Variants in SYNPR observed in about 807,000 individuals in gnomAD.
SYNPR encodes the protein synaptoporin.
SYNPR carries 23 observed loss-of-function variants against 32.9 expected under a neutral mutation model. The observed-to-expected ratio is 0.70, with a 90% CI of 0.50 to 0.99. The LOEUF (loss-of-function observed/expected upper bound fraction) is 0.99, where lower values mean the gene tolerates loss of function less well. Ranked by LOEUF, SYNPR falls within the 50% of genes least tolerant of loss-of-function variation. The pLI is 0.00. For missense variants in SYNPR, 318 were observed against 349.3 expected, an observed-to-expected ratio of 0.91 and a Z score of 0.71; for synonymous variants, 146 against 135.9, an observed-to-expected ratio of 1.07 and a Z score of -0.52.
At chr3:63,425,119 A>G (rs1346179820) in intron 2 of SYNPR, among the ~76,000 whole-genome samples, 1 of 152,170 alleles carries the variant, frequency 6.6e-6, no homozygotes, top group African/African-American at 2.4e-5. Context: ...TCCTGTTTTC[A>G]CAGAACAGTG....
rs116126796 is a variant in SYNPR, at chr3:63,373,141, A to C, written c.84+94399A>C. 5.5e-3 allele frequency among the ~76,000 whole-genome samples: 832 copies of C among 152,296 alleles called. 12 individuals carry two copies. Among genetic ancestry groups the C allele is most frequent in the African/African-American group, 0.019 (809 of 41,564 alleles). On this transcript the variant is annotated intron_variant, in intron 2 of 5. Coordinates refer to ENST00000478300, the MANE Select transcript of SYNPR (RefSeq NM_001130003.2). ...ACCATAGATGAGAAAGAATCAGTGC[A>C]ATAACTCTGGCAGCTCAAAAAGCCA...
intron 2 of SYNPR, among the ~76,000 whole-genome samples, chr3:63,358,177 C>G (rs1428128005): frequency 6.6e-6 from 1 of 152,174 alleles, no homozygotes; most frequent in Non-Finnish European, 1.5e-5. Context: ...CCTGTGTGTG[C>G]TGTAACAAAT....
At chr3:63,465,358 G>C (rs978362080) in intron 2 of SYNPR, among the ~76,000 whole-genome samples, 2 of 151,948 alleles carry the variant, frequency 1.3e-5, no homozygotes, top group African/African-American at 4.8e-5. Flanking sequence ...TAATAGAAGA[G>C]AGTGAAATTT....
chr3:63,320,788 G>A (rs1432390264), intron 2 of SYNPR, among the ~76,000 whole-genome samples: 2 of 152,028 alleles, frequency 1.3e-5, no homozygotes, highest in Non-Finnish European at 2.9e-5. Flanking sequence ...ACTTTGAGGG[G>A]CAGATACAAA....
intron 1 of SYNPR, among the ~76,000 whole-genome samples, chr3:63,246,065 A>G (rs149288177): frequency 8.5e-5 from 13 of 152,176 alleles, no homozygotes; most frequent in East Asian, 1.9e-4. Context: ...AGTGCCTCCA[A>G]TGACTTTTAA....
intron 2 of SYNPR, among the ~76,000 whole-genome samples, chr3:63,255,971 G>C (rs2086378894): frequency 6.6e-6 from 1 of 152,198 alleles, no homozygotes; most frequent in South Asian, 2.1e-4. Context: ...CTCACTCATT[G>C]CTAGCACAGC....
At position 63,439,502 on chromosome 3, in the gene SYNPR, GGCTA is replaced by G. The variant is rs1359439782; in HGVS notation, c.85-41326_85-41323del. ...ATTGGAAGGTTAGGACAGTCTAAGTGGCTAGCTGACAAGATTATTTCTCTAATGA... is the reference window on the plus strand; with the variant it reads ...ATTGGAAGGTTAGGACAGTCTAAGTGGCTGACAAGATTATTTCTCTAATGA... On this transcript the variant is annotated intron_variant, in intron 2 of 5. Coordinates refer to ENST00000478300, the MANE Select transcript of SYNPR (RefSeq NM_001130003.2). 3.9e-5 allele frequency among the ~76,000 whole-genome samples: 6 copies of G among 152,280 alleles called. No homozygotes were observed. In the East Asian group the frequency reaches 1.2e-3, roughly 29 times the overall value.
At chr3:63,433,045 G>A (rs1253368786) in intron 2 of SYNPR, among the ~76,000 whole-genome samples, 1 of 152,206 alleles carries the variant, frequency 6.6e-6, no homozygotes, top group Non-Finnish European at 1.5e-5. Flanking sequence ...AGCCAAATCT[G>A]AGAACCACAT....
intron 2 of SYNPR, among the ~76,000 whole-genome samples, chr3:63,292,635 C>T (rs9311870): frequency 0.46 from 69,286 of 152,066 alleles, 15,947 homozygotes; most frequent in Middle Eastern, 0.52. Context: ...AAATAACATT[C>T]GCAAAGATTA....
At chr3:63,376,289 T>C (rs1279848512) in intron 2 of SYNPR, among the ~76,000 whole-genome samples, 3 of 152,252 alleles carry the variant, frequency 2.0e-5, no homozygotes, top group African/African-American at 7.2e-5. Flanking sequence ...AAGAATGATC[T>C]TGTTATAACT....
chr3:63,277,799 A>C (rs1327466842), upstream of SYNPR, among the ~76,000 whole-genome samples: 1 of 151,356 alleles, frequency 6.6e-6, no homozygotes. Context: ...ATTGCAAGTT[A>C]TTTTTCCCCT....
intron 2 of SYNPR, among the ~76,000 whole-genome samples, chr3:63,318,958 A>T (rs1001883432): frequency 6.6e-6 from 1 of 151,932 alleles, no homozygotes; most frequent in Non-Finnish European, 1.5e-5. Context: ...TGTTCCCTTG[A>T]CGTAGTACTC....
intron 2 of SYNPR, among the ~76,000 whole-genome samples, chr3:63,255,522 G>C (rs2086374619): frequency 6.6e-6 from 1 of 152,194 alleles, no homozygotes; most frequent in Admixed American, 6.5e-5. Flanking sequence ...TCACTTTTTA[G>C]ATGGGCAAAA....
At chr3:63,513,851 G>A (rs115112682) in intron 3 of SYNPR, among the ~76,000 whole-genome samples, 165 of 152,164 alleles carry the variant, frequency 1.1e-3, no homozygotes, top group African/African-American at 3.9e-3. Flanking sequence ...AAAAGAAAAA[G>A]TAGACTATTA....
In SYNPR at chr3:63,615,525, C is replaced by A; in HGVS notation, c.*44C>A. On this transcript the variant is annotated 3_prime_UTR_variant, in exon 6 of 6. Transcript: ENST00000478300. ...CTTCTGCAGTCGCCTCACCATCTTC[C>A]ATTTCAGTGGCAGAAGAATTTTTTA... is the stretch of plus-strand genomic sequence containing the variant. The A allele has an allele frequency of 1.9e-6, 3 of 1,577,476 alleles. No homozygotes were observed. The highest frequency in any genetic ancestry group is 8.6e-7 in the Non-Finnish European group (1 of 1,162,672).
At chr3:63,572,810 C>T (rs1163856745) in intron 4 of SYNPR, among the ~76,000 whole-genome samples, 2 of 152,102 alleles carry the variant, frequency 1.3e-5, no homozygotes, top group Non-Finnish European at 2.9e-5. Flanking sequence ...CTACTTTATG[C>T]ATATTCACTT....
At chr3:63,307,064 C>G (rs1349505010) in intron 2 of SYNPR, among the ~76,000 whole-genome samples, 1 of 152,052 alleles carries the variant, frequency 6.6e-6, no homozygotes, top group East Asian at 1.9e-4. Flanking sequence ...TCAATATACT[C>G]ATGTAACTGT....
chr3:63,429,382 G>A (rs1411254623), intron 2 of SYNPR, among the ~76,000 whole-genome samples: 1 of 152,154 alleles, frequency 6.6e-6, no homozygotes, highest in Non-Finnish European at 1.5e-5. Context: ...GATCTGAAGT[G>A]GAATTTAGTC....
In SYNPR at chr3:63,291,828, T is replaced by C. The variant is rs13064781; in HGVS notation, c.84+13086T>C. 3.3e-5 allele frequency among the ~76,000 whole-genome samples: 5 copies of C among 149,726 alleles called. No individual in the cohort carries two copies. The East Asian group carries it at 5.9e-4, about 18-fold the overall frequency. On this transcript the variant is annotated intron_variant, in intron 2 of 5. Coordinates refer to ENST00000478300, the MANE Select transcript of SYNPR (RefSeq NM_001130003.2). ...AGTATAAATATTGTAGTTTCTTTCT[T>C]TCTCTCTCTCTCTCTCTCTCTCATG...
Sources: gnomAD v4.1 joint callset for allele counts (sites outside exome capture counted in the v4.1 genomes callset) on GRCh38, gnomAD v4.1.1 for gene constraint, MANE v1.5 for transcripts, NCBI Gene and HGNC (gene_info 2026-07-23, HGNC 2026-07-21) for gene names.